Variants in NEXMIF observed in about 807,000 individuals in gnomAD.
The protein encoded by NEXMIF is neurite extension and migration factor.
NEXMIF carries 8 observed loss-of-function variants against 62.1 expected under a neutral mutation model. The observed-to-expected ratio is 0.13, with a 90% CI of 0.08 to 0.23. The LOEUF (loss-of-function observed/expected upper bound fraction) is 0.23, where lower values mean the gene tolerates loss of function less well. NEXMIF is among the 10% of genes least tolerant of loss of function. The pLI, the probability that NEXMIF is intolerant of heterozygous loss-of-function variation, is 1.00. For synonymous variants in NEXMIF, 404 were observed against 416.6 expected (o/e 0.97, Z 0.37); for missense variants, 976 against 1,113.3 (o/e 0.88, Z 1.75).
At chrX:74,866,052 C>T (rs2080578029) in intron 1 of NEXMIF, among the ~76,000 whole-genome samples, 1 of 111,381 alleles carries the variant, frequency 9.0e-6, no homozygotes, top group African/African-American at 3.3e-5. Flanking sequence ...ACTCCAGAAC[C>T]CAGAATGGTA....
chrX:74,809,520 C>G (rs189048375), intron 1 of NEXMIF, among the ~76,000 whole-genome samples: 3 of 111,722 alleles, frequency 2.7e-5, no homozygotes, highest in African/African-American at 6.5e-5. Flanking sequence ...AGGAACTGGT[C>G]ACCTTCAGAA....
chrX:74,770,813 G>A (rs1166655592), intron 1 of NEXMIF, among the ~76,000 whole-genome samples: 1 of 112,064 alleles, frequency 8.9e-6, no homozygotes, highest in African/African-American at 3.2e-5. Flanking sequence ...TCTTGTGGTA[G>A]TTTCTCAGCT....
chrX:74,791,561 A>C (rs2080283024), intron 1 of NEXMIF, among the ~76,000 whole-genome samples: 1 of 111,496 alleles, frequency 9.0e-6, no homozygotes, highest in Admixed American at 9.5e-5. Flanking sequence ...GGTACCAGCT[A>C]ATCCTTGTAC....
intron 1 of NEXMIF, among the ~76,000 whole-genome samples, chrX:74,766,908 A>C (rs1043766261): frequency 1.8e-5 from 2 of 111,806 alleles, no homozygotes; most frequent in African/African-American, 6.5e-5. Context: ...AGGCAGGGGC[A>C]GGGTGGTTGT....
chrX:74,903,885 G>A (rs2080757794), intron 1 of NEXMIF, among the ~76,000 whole-genome samples: 1 of 48,671 alleles, frequency 2.1e-5, no homozygotes, highest in Non-Finnish European at 3.3e-5. Context: ...CTAATCGTGT[G>A]TGTGTGTGTG....
At chrX:74,909,547 A>G (rs2080780844) in intron 1 of NEXMIF, among the ~76,000 whole-genome samples, 1 of 112,134 alleles carries the variant, frequency 8.9e-6, no homozygotes, top group South Asian at 3.7e-4. Flanking sequence ...GATAATTTGT[A>G]GCCTGATGAT....
At chrX:74,766,947 C>G (rs1008329235) in intron 1 of NEXMIF, among the ~76,000 whole-genome samples, 1 of 111,923 alleles carries the variant, frequency 8.9e-6, no homozygotes, top group Non-Finnish European at 1.9e-5. Flanking sequence ...GTGGCCCTGA[C>G]TAGTGAGAAG....
chrX:74,807,910 T>A (rs1384869242), intron 1 of NEXMIF, among the ~76,000 whole-genome samples: 2 of 112,198 alleles, frequency 1.8e-5, no homozygotes, highest in Non-Finnish European at 3.8e-5. Flanking sequence ...TGTAGGTTTT[T>A]TTCTAAATGT....
At chrX:74,877,048 G>T (rs1048636463) in intron 1 of NEXMIF, among the ~76,000 whole-genome samples, 9 of 111,394 alleles carry the variant, frequency 8.1e-5, no homozygotes, top group Admixed American at 1.9e-4. Flanking sequence ...TGTTAGCTGG[G>T]TATTTTGCTC....
At chrX:74,783,771 C>T (rs1404969233) in intron 1 of NEXMIF, among the ~76,000 whole-genome samples, 1 of 111,768 alleles carries the variant, frequency 8.9e-6, no homozygotes, top group Non-Finnish European at 1.9e-5. Context: ...TTAACAAATA[C>T]TCCATTACCA....
chrX:74,887,195 C>T (rs1225951647), intron 1 of NEXMIF, among the ~76,000 whole-genome samples: 3 of 111,951 alleles, frequency 2.7e-5, no homozygotes, highest in Non-Finnish European at 5.6e-5. Context: ...ACCATAAAAA[C>T]CCTAGAAGAA....
rs762403236 is a variant in NEXMIF, at chrX:74,876,562, C to T, written c.-48+48321G>A. 1.6e-3 allele frequency among the ~76,000 whole-genome samples: 169 copies of T among 104,586 alleles called. 1 individual carries two copies. Among genetic ancestry groups the T allele is most frequent in the African/African-American group, 5.7e-3 (163 of 28,530 alleles). The allele number at this position is 104,586 out of a possible 115,157, so 90.8% of individuals were successfully genotyped here. Reference sequence around the variant, plus strand: ...GGGTATCCTTGTTGACTTTCTGTCTCGTTGATCTGTCTAATGTTGACAGTG... The same window carrying T: ...GGGTATCCTTGTTGACTTTCTGTCTTGTTGATCTGTCTAATGTTGACAGTG... On this transcript the variant is annotated intron_variant, in intron 1 of 3. Transcript: ENST00000055682.
chrX:74,754,205 G>A (rs1181316715), intron 1 of NEXMIF, among the ~76,000 whole-genome samples: 8 of 110,947 alleles, frequency 7.2e-5, no homozygotes. Context: ...CAGATGATCT[G>A]CCCACCTCAG....
chrX:74,897,572 A>G (rs1353964978), intron 1 of NEXMIF, among the ~76,000 whole-genome samples: 1 of 111,413 alleles, frequency 9.0e-6, no homozygotes, highest in African/African-American at 3.3e-5. Flanking sequence ...ATTTCAGGTA[A>G]CTGACAAAAT....
intron 1 of NEXMIF, among the ~76,000 whole-genome samples, chrX:74,804,606 C>T (rs1284909217): frequency 1.8e-5 from 2 of 112,029 alleles, no homozygotes; most frequent in Admixed American, 9.5e-5. Context: ...CCTGCTATGG[C>T]TCAGGTGGTA....
chrX:74,877,154 G>C (rs958014037), intron 1 of NEXMIF, among the ~76,000 whole-genome samples: 4 of 111,296 alleles, frequency 3.6e-5, no homozygotes, highest in Non-Finnish European at 5.6e-5. Context: ...CATGTTTAGC[G>C]CTTCCTTCAG....
intron 1 of NEXMIF, among the ~76,000 whole-genome samples, chrX:74,882,096 C>G (rs1001680601): frequency 4.5e-5 from 5 of 112,062 alleles, no homozygotes; most frequent in Non-Finnish European, 9.4e-5. Flanking sequence ...TTCCTATTCA[C>G]AATAGCAAAG....
At chrX:74,794,637 G>T (rs896442178) in intron 1 of NEXMIF, among the ~76,000 whole-genome samples, 2 of 112,059 alleles carry the variant, frequency 1.8e-5, no homozygotes, top group Admixed American at 1.9e-4. Context: ...GACTCTGTGG[G>T]CATAGGACCC....
At chrX:74,794,087 T>A (rs1200970642) in intron 1 of NEXMIF, among the ~76,000 whole-genome samples, 3 of 100,134 alleles carry the variant, frequency 3.0e-5, no homozygotes, top group African/African-American at 7.1e-5. Context: ...CTGTTCTGTT[T>A]TTTCCCCATC....
Sources: gnomAD v4.1 joint callset for allele counts (sites outside exome capture counted in the v4.1 genomes callset) on GRCh38, gnomAD v4.1.1 for gene constraint, MANE v1.5 for transcripts, NCBI Gene and HGNC (gene_info 2026-07-23, HGNC 2026-07-21) for gene names.